Variants in GRAMD4 observed in about 807,000 individuals in gnomAD.
GRAMD4 encodes the protein GRAM domain containing 4, also known as GRAM domain-containing protein 4.
A neutral mutation model predicts 83.9 loss-of-function variants in GRAMD4; 25 were observed. The observed-to-expected ratio is 0.30, with a 90% CI of 0.22 to 0.42. The LOEUF (loss-of-function observed/expected upper bound fraction) is 0.42. GRAMD4 is among the 10% of genes least tolerant of loss of function. The pLI is 1.00. For missense variants in GRAMD4, 593 were observed against 788.7 expected (o/e 0.75, Z 2.97); for synonymous variants, 336 against 320.9 (o/e 1.05, Z -0.50).
chr22:46,610,075 C>T (rs886591824), intron 1 of GRAMD4, among the ~76,000 whole-genome samples: 3 of 152,194 alleles, frequency 2.0e-5, no homozygotes, highest in South Asian at 2.1e-4. Context: ...CACGTGGGAT[C>T]CTTCACCAAG....
At chr22:46,597,883 T>G (rs2081277932) in intron 1 of GRAMD4, among the ~76,000 whole-genome samples, 1 of 152,214 alleles carries the variant, frequency 6.6e-6, no homozygotes, top group East Asian at 1.9e-4. Context: ...GGTTTTGTTT[T>G]GTTTTGTTTT....
At chr22:46,629,920 G>A (rs1014337346) in intron 2 of GRAMD4, among the ~76,000 whole-genome samples, 10 of 152,286 alleles carry the variant, frequency 6.6e-5, no homozygotes, top group African/African-American at 1.7e-4. Context: ...TCCTTTGCTC[G>A]CATAAGGGAC....
chr22:46,590,067 G>T (rs2081191847), intron 1 of GRAMD4, among the ~76,000 whole-genome samples: 1 of 152,222 alleles, frequency 6.6e-6, no homozygotes, highest in Non-Finnish European at 1.5e-5. Flanking sequence ...CCTGAGTCTG[G>T]TTGATTCCTG....
intron 1 of GRAMD4, among the ~76,000 whole-genome samples, chr22:46,599,685 C>T (rs2081294068): frequency 6.6e-6 from 1 of 152,180 alleles, no homozygotes; most frequent in Admixed American, 6.5e-5. Context: ...TAGCAACCTG[C>T]ATTTAATGTA....
At chr22:46,618,878 G>A (rs900839006), upstream of GRAMD4, among the ~76,000 whole-genome samples, 8 of 152,180 alleles carry the variant, frequency 5.3e-5, no homozygotes, top group African/African-American at 1.7e-4. This position sits in a 1 kb window ranked among gnomAD's most constrained non-coding sequence, Gnocchi z 5.8. Flanking sequence ...TGGTGGACAC[G>A]GTGCCATCCA....
chr22:46,671,712 G>A (rs139334164), intron 13 of GRAMD4, among the ~76,000 whole-genome samples: 13 of 150,982 alleles, frequency 8.6e-5, no homozygotes, highest in Middle Eastern at 3.5e-3. Context: ...GCCGGGTGTG[G>A]TGGTAGGCTC....
chr22:46,659,245 T>A lies in GRAMD4; in HGVS notation c.404+938T>A, dbSNP rs57689239. ...CCTCTCAGCCTCCACTCCCTCAGCCTCCCCCCTCAGTCTCCACCCTCAGTT... is the reference window on the plus strand; with the variant it reads ...CCTCTCAGCCTCCACTCCCTCAGCCACCCCCCTCAGTCTCCACCCTCAGTT... On this transcript the variant is annotated intron_variant, in intron 4 of 18. Transcript: ENST00000406902. The surrounding 1 kb of genome is among the most constrained non-coding windows in gnomAD (Gnocchi z 4.1). Among the ~76,000 whole-genome samples the A allele has an allele frequency of 8.3e-6, 1 of 120,960 alleles. No individual in the cohort carries two copies. The highest frequency in any genetic ancestry group is 3.7e-5 in the African/African-American group (1 of 27,374). The allele number at this position is 120,960 out of a possible 152,430, so 79.4% of individuals were successfully genotyped here. A position where few individuals can be genotyped will look rare whatever the true frequency, so the allele number is the denominator to read the frequency against.
rs1179821908 is a variant in GRAMD4 at position 46,679,621 on chromosome 22, C to A, written c.*2370C>A. ...AGTCTATTTTGGATCTGTAAATAAT[C>A]ATTGCCAGTGTGACTTTTGTTCAAC... On this transcript the variant is annotated 3_prime_UTR_variant, in exon 19 of 19. Transcript: ENST00000406902. The A allele has an allele frequency of 1.0e-6, 1 of 982,304 alleles. No individual in the cohort carries two copies. The highest frequency in any genetic ancestry group is 1.2e-6 in the Non-Finnish European group (1 of 827,046). The allele number at this position is 982,304 out of a possible 1,614,324, so 60.8% of individuals were successfully genotyped here. A position where few individuals can be genotyped will look rare whatever the true frequency, so the allele number is the denominator to read the frequency against.
At chr22:46,628,766 T>A (rs952218996) in intron 2 of GRAMD4, among the ~76,000 whole-genome samples, 4 of 151,800 alleles carry the variant, frequency 2.6e-5, no homozygotes, top group African/African-American at 9.7e-5. Flanking sequence ...AACATCTGGA[T>A]TTGGGGGGCA....
At chr22:46,587,899 A>G in intron 1 of GRAMD4, 1 of 985,300 alleles carries the variant, frequency 1.0e-6, no homozygotes, top group Non-Finnish European at 1.2e-6. Flanking sequence ...AGGATGGTAC[A>G]GGGCTCCTGA....
At chr22:46,648,461 ATGGATGGATGGATGGGTGAG>A (rs1395026369) in intron 3 of GRAMD4, among the ~76,000 whole-genome samples, 1 of 145,668 alleles carries the variant, frequency 6.9e-6, no homozygotes, top group African/African-American at 2.6e-5. Flanking sequence ...GGATGAGTGG[ATGGATGGATGGATGGGTGAG>A]TGGATGGATG....
rs2146522980 is a variant in GRAMD4 at position 46,679,582 on chromosome 22, A to G, written c.*2331A>G. 1 of 984,524 alleles carries G rather than the reference A, an allele frequency of 1.0e-6. No individual in the cohort carries two copies. The highest frequency in any genetic ancestry group is 4.7e-5 in the South Asian group (1 of 21,274). 61.0% of individuals were successfully genotyped at this position (984,524 alleles called of 1,614,324 possible). On this transcript the variant is annotated 3_prime_UTR_variant, in exon 19 of 19. Transcript: ENST00000406902. The stretch of plus-strand genomic sequence containing the variant: ...GAACTAGACGAATGTTAAATTTTTT[A>G]TGTCTGAAGCCTGAGTCTATTTTGG...
chr22:46,660,307 T>C (rs1476783894), intron 4 of GRAMD4, among the ~76,000 whole-genome samples: 1 of 152,028 alleles, frequency 6.6e-6, no homozygotes, highest in African/African-American at 2.4e-5. Flanking sequence ...CTGCTTTACA[T>C]GGGGGCGGCG....
At chr22:46,666,913 C>T (rs754633034) in intron 10 of GRAMD4, 40 bp downstream of exon 10, 41 of 1,449,030 alleles carry the variant, frequency 2.8e-5, no homozygotes, top group Middle Eastern at 3.6e-4. Context: ...CCGACTGTCT[C>T]CATCACGTCA....
chr22:46,599,334 T>C (rs1367779109), intron 1 of GRAMD4, among the ~76,000 whole-genome samples: 1 of 152,054 alleles, frequency 6.6e-6, no homozygotes, highest in East Asian at 1.9e-4. Flanking sequence ...GTTTTTTTTT[T>C]TGAGACGGAG....
intron 4 of GRAMD4, among the ~76,000 whole-genome samples, chr22:46,658,844 C>T (rs372647883): frequency 6.3e-4 from 91 of 144,540 alleles, no homozygotes; most frequent in African/African-American, 1.9e-3. Context: ...ATGTCCTGGG[C>T]GCCAGTGCCG....
At chr22:46,630,503 G>A (rs1475868298) in intron 2 of GRAMD4, among the ~76,000 whole-genome samples, 1 of 152,214 alleles carries the variant, frequency 6.6e-6, no homozygotes, top group Non-Finnish European at 1.5e-5. Context: ...ATTCTCATGT[G>A]CAGCCGCGCC....
chr22:46,626,455 G>A (rs1329082850), intron 1 of GRAMD4, among the ~76,000 whole-genome samples: 4 of 152,228 alleles, frequency 2.6e-5, no homozygotes, highest in South Asian at 2.1e-4. Context: ...AGGCAAGGAC[G>A]CAGCTCAGCA....
At chr22:46,662,319 C>T (rs2082339494) in intron 5 of GRAMD4, among the ~76,000 whole-genome samples, 1 of 152,198 alleles carries the variant, frequency 6.6e-6, no homozygotes, top group African/African-American at 2.4e-5. Context: ...GACCACAGGC[C>T]CTCTGGTCCC....
Sources: allele counts gnomAD v4.1 joint callset (sites outside exome capture counted in the v4.1 genomes callset), GRCh38; gene constraint gnomAD v4.1.1; non-coding constraint Gnocchi (gnomAD v3.1); transcripts MANE v1.5; gene names NCBI Gene and HGNC (gene_info 2026-07-23, HGNC 2026-07-21).